RALGPS1: variants seen among roughly 807,000 people sequenced by gnomAD.
RALGPS1 encodes ras-specific guanine nucleotide-releasing factor RalGPS1.
In RALGPS1, 19 loss-of-function variants were observed where a neutral mutation model predicts 78.8. The ratio of observed to expected loss-of-function variants is 0.24; its 90% CI spans 0.17 to 0.35. The LOEUF (loss-of-function observed/expected upper bound fraction) is 0.35. Ranked by LOEUF, RALGPS1 falls within the 10% of genes least tolerant of loss-of-function variation. The pLI is 1.00. For synonymous variants in RALGPS1, 228 were observed against 256.3 expected (o/e 0.89, Z 1.06); for missense variants, 454 against 688.3 (o/e 0.66, Z 3.81).
chr9:127,182,197 T>C (rs62578784), intron 11 of RALGPS1, among the ~76,000 whole-genome samples: 5 of 148,076 alleles, frequency 3.4e-5, no homozygotes, highest in African/African-American at 1.3e-4. Flanking sequence ...AAAAAAAAAT[T>C]AGCAAGGCGT....
chr9:126,923,272 G>A (rs1433422592), intron 1 of RALGPS1, among the ~76,000 whole-genome samples: 1 of 152,166 alleles, frequency 6.6e-6, no homozygotes, highest in Non-Finnish European at 1.5e-5. Flanking sequence ...GTTTTGATGT[G>A]CATAGAAGAC....
intron 11 of RALGPS1, chr9:127,178,167 A>G (rs1055229107): frequency 1.8e-6 from 1 of 561,308 alleles, no homozygotes; most frequent in Non-Finnish European, 2.9e-6. Context: ...AGGGGGAAGC[A>G]GGAGCGAGCA....
In RALGPS1 at chr9:127,183,937, A is replaced by G; in HGVS notation, c.910+9155A>G. 6.4e-7 allele frequency: 1 copy of G among 1,550,456 alleles called. No homozygotes were observed. The highest frequency in any genetic ancestry group is 8.7e-7 in the Non-Finnish European group (1 of 1,146,982). On this transcript the variant is annotated intron_variant, in intron 11 of 18. Transcript: ENST00000259351. This position sits in a 1 kb window ranked among gnomAD's most constrained non-coding sequence, Gnocchi z 4.0. ...CAAGACTCAAACCCACCTCTGGCCA[A>G]CACCCTGCCTGGATGTGGCCCAGCT...
intron 8 of RALGPS1, among the ~76,000 whole-genome samples, chr9:127,111,151 G>A (rs569810598): frequency 2.0e-5 from 3 of 152,166 alleles, no homozygotes; most frequent in Non-Finnish European, 1.5e-5. Flanking sequence ...TCTGTCAAGT[G>A]TTCTAAGCAC....
chr9:127,006,473 A>G (rs942422697), intron 4 of RALGPS1, among the ~76,000 whole-genome samples: 2 of 152,146 alleles, frequency 1.3e-5, no homozygotes, highest in Non-Finnish European at 2.9e-5. Context: ...ATTTGTTGAT[A>G]TCTAAATTTA....
At position 127,091,527 on chromosome 9, in the gene RALGPS1, G is replaced by A; in HGVS notation, c.610+22171G>A. 2 of 1,126,136 alleles carry A rather than the reference G, an allele frequency of 1.8e-6. No individual in the cohort carries two copies. The highest frequency in any genetic ancestry group is 4.6e-5 in the Admixed American group (2 of 43,828). 69.8% of individuals were successfully genotyped at this position (1,126,136 alleles called of 1,614,324 possible). On this transcript the variant is annotated intron_variant, in intron 8 of 18. Coordinates refer to ENST00000259351, the MANE Select transcript of RALGPS1 (RefSeq NM_014636.3). This position sits in a 1 kb window ranked among gnomAD's most constrained non-coding sequence, Gnocchi z 4.3. ...GTGGGCAGGAGAAGGGACCCTCAGG[G>A]GGTGGTAACAGGGTCAGGCAGCTTG...
At chr9:127,162,069 G>A (rs376270019) in intron 8 of RALGPS1, among the ~76,000 whole-genome samples, 8 of 152,264 alleles carry the variant, frequency 5.3e-5, no homozygotes, top group Admixed American at 1.3e-4. Context: ...GCTACAAAAC[G>A]AGGGTAACAT....
At chr9:126,982,826 T>TCCC (rs2041385495) in intron 4 of RALGPS1, among the ~76,000 whole-genome samples, 1 of 83,538 alleles carries the variant, frequency 1.2e-5, no homozygotes, top group Non-Finnish European at 3.5e-5. Context: ...CTCCTTCTTC[T>TCCC]TCCTCTTCTT....
rs891855606 is a variant in RALGPS1, at chr9:127,183,767, C to T, written c.910+8985C>T. The T allele has an allele frequency of 7.0e-6, 7 of 993,054 alleles. No individual in the cohort carries two copies. The highest frequency in any genetic ancestry group is 2.6e-5 in the East Asian group (1 of 38,002). The allele number at this position is 993,054 out of a possible 1,614,324, so 61.5% of individuals were successfully genotyped here. ...TACTCTCTCTGCCCGTTTATATTTTCGGAATGGATGGGTGGGAGGGGCCCT... is the reference window on the plus strand; with the variant it reads ...TACTCTCTCTGCCCGTTTATATTTTTGGAATGGATGGGTGGGAGGGGCCCT... On this transcript the variant is annotated intron_variant, in intron 11 of 18. Transcript: ENST00000259351. This position sits in a 1 kb window ranked among gnomAD's most constrained non-coding sequence, Gnocchi z 4.0.
chr9:127,088,832 TCC>T, intron 8 of RALGPS1: 10 of 1,334,480 alleles, frequency 7.5e-6, no homozygotes, highest in Non-Finnish European at 1.1e-5. Flanking sequence ...ATCCCGGTCC[TCC>T]CAGCCTCAGG....
chr9:127,165,982 T>A (rs936911534), intron 8 of RALGPS1, 87 bp from the exon 9 acceptor site: 32 of 1,457,618 alleles, frequency 2.2e-5, no homozygotes, highest in Admixed American at 8.1e-5. Flanking sequence ...CCCTTTATAT[T>A]TTTTAGCAGA....
chr9:127,072,950 T>C (rs1023530856), intron 8 of RALGPS1, among the ~76,000 whole-genome samples: 7 of 152,210 alleles, frequency 4.6e-5, no homozygotes, highest in African/African-American at 1.4e-4. Flanking sequence ...GAAGACATTA[T>C]TTGTATTGAT....
At chr9:126,975,968 T>C (rs898513700) in intron 3 of RALGPS1, among the ~76,000 whole-genome samples, 4 of 152,154 alleles carry the variant, frequency 2.6e-5, no homozygotes, top group African/African-American at 9.7e-5. Flanking sequence ...AAAGAGGCTC[T>C]CCACTGAAGC....
rs545030921 is a variant in RALGPS1 at position 127,178,236 on chromosome 9, T to C, written c.910+3454T>C. The C allele has an allele frequency of 9.4e-5, 36 of 381,390 alleles. 1 individual carries two copies. The highest frequency in any genetic ancestry group is 8.5e-4 in the South Asian group (34 of 39,798). 23.6% of individuals were successfully genotyped at this position (381,390 alleles called of 1,614,324 possible). ...CTCAGTCTGCCACCAGAGCCTTTCA[T>C]TGGCCAAATCCAATAGAAAGCTGGG... On this transcript the variant is annotated intron_variant, in intron 11 of 18. Coordinates refer to ENST00000259351, the MANE Select transcript of RALGPS1 (RefSeq NM_014636.3).
At chr9:126,946,402 C>T (rs1189881953) in intron 1 of RALGPS1, among the ~76,000 whole-genome samples, 1 of 151,954 alleles carries the variant, frequency 6.6e-6, no homozygotes, top group Non-Finnish European at 1.5e-5. Context: ...GGCGTGGTGG[C>T]ACACACCTGT....
At chr9:127,182,352 C>G (rs573915249) in intron 11 of RALGPS1, among the ~76,000 whole-genome samples, 21 of 97,110 alleles carry the variant, frequency 2.2e-4, no homozygotes, top group Middle Eastern at 5.3e-3. Flanking sequence ...CTTCCTTCCT[C>G]CCTTCCTTCC....
At chr9:127,115,937 C>T (rs1383713824) in intron 8 of RALGPS1, among the ~76,000 whole-genome samples, 1 of 152,196 alleles carries the variant, frequency 6.6e-6, no homozygotes, top group African/African-American at 2.4e-5. Flanking sequence ...TCTCCAGCTG[C>T]CCTCCCCTCC....
intron 18 of RALGPS1, among the ~76,000 whole-genome samples, chr9:127,216,739 T>C (rs1001622070): frequency 3.3e-5 from 5 of 152,146 alleles, no homozygotes; most frequent in African/African-American, 1.2e-4. Context: ...TGAGACAAGG[T>C]GCCAAGACCT....
chr9:127,013,659 C>T (rs992148132), intron 4 of RALGPS1, among the ~76,000 whole-genome samples: 2 of 152,212 alleles, frequency 1.3e-5, no homozygotes, highest in African/African-American at 4.8e-5. Context: ...TTTTAAATCT[C>T]TGTCCACATC....
Sources: allele counts gnomAD v4.1 joint callset (sites outside exome capture counted in the v4.1 genomes callset), GRCh38; gene constraint gnomAD v4.1.1; non-coding constraint Gnocchi (gnomAD v3.1); transcripts MANE v1.5; gene names NCBI Gene and HGNC (gene_info 2026-07-23, HGNC 2026-07-21).